Variants in SPG11 observed in about 807,000 individuals in gnomAD.
The protein encoded by SPG11 is SPG11 vesicle trafficking associated, spatacsin.
A neutral mutation model predicts 274.0 loss-of-function variants in SPG11; 222 were observed. The ratio of observed to expected loss-of-function variants is 0.81; its 90% CI spans 0.73 to 0.91. The LOEUF (loss-of-function observed/expected upper bound fraction) is 0.91. Among genes scored for constraint, SPG11 ranks in the 40% least tolerant of loss-of-function variants. SPG11 has a pLI of 0.00. For missense variants in SPG11, 3,114 were observed against 2,872.7 expected, an observed-to-expected ratio of 1.08 and a Z score of -1.92; for synonymous variants, 1,144 against 1,039.7, an observed-to-expected ratio of 1.10 and a Z score of -1.93.
chr15:44,641,874 T>C (rs2084454418), intron 7 of SPG11, among the ~76,000 whole-genome samples: 1 of 143,178 alleles, frequency 7.0e-6, no homozygotes, highest in Admixed American at 7.4e-5. Flanking sequence ...CTCTTGCCCA[T>C]GTGCTGCAGC....
chr15:44,586,443 A>G (rs1248499523), intron 28 of SPG11, among the ~76,000 whole-genome samples: 1 of 151,736 alleles, frequency 6.6e-6, no homozygotes, highest in Non-Finnish European at 1.5e-5. Flanking sequence ...GTCAGGAAAG[A>G]CCAGCCTGGC....
Position 44,596,961 on chromosome 15 carries a change from G to A in SPG11, c.4002-18C>T, listed in dbSNP as rs2083059811. 17 of 1,613,440 alleles carry A rather than the reference G, an allele frequency of 1.1e-5. No individual in the cohort carries two copies. The highest frequency in any genetic ancestry group is 1.4e-5 in the Non-Finnish European group (17 of 1,179,912). The stretch of plus-strand genomic sequence containing the variant: ...TGGATAACCTATAATCAGAATTAGA[G>A]GTGGGGGTGGTCAAGAAAAAACAAA... On this transcript the variant is annotated intron_variant, in intron 23 of 39. Coordinates refer to ENST00000261866, the MANE Select transcript of SPG11 (RefSeq NM_025137.4).
intron 4 of SPG11, among the ~76,000 whole-genome samples, chr15:44,655,970 C>T (rs2084928372): frequency 6.6e-6 from 1 of 151,900 alleles, no homozygotes; most frequent in Non-Finnish European, 1.5e-5. Context: ...ACACAACTGA[C>T]TGGGAGAAAC....
Position 44,562,843 on chromosome 15 carries a change from C to CTAAAG in SPG11, c.*273_*277dup, listed in dbSNP as rs1290368792. The CTAAAG allele has an allele frequency of 2.1e-5, 8 of 387,674 alleles. No individual in the cohort carries two copies. In the East Asian group the frequency reaches 4.1e-4, roughly 20 times the overall value. 24.0% of individuals were successfully genotyped at this position (387,674 alleles called of 1,614,324 possible). A position where few individuals can be genotyped will look rare whatever the true frequency, so the allele number is the denominator to read the frequency against. On this transcript the variant is annotated 3_prime_UTR_variant, in exon 40 of 40. Coordinates refer to ENST00000261866, the MANE Select transcript of SPG11 (RefSeq NM_025137.4). ...TATTCTTTAATCATTATTGGATCAT[C>CTAAAG]TAAAGTAGAAGCTGTCCTGAGGAAG...
intron 15 of SPG11, 99 bp from the exon 16 acceptor site, chr15:44,615,665 C>A: frequency 9.4e-7 from 1 of 1,067,338 alleles, no homozygotes; most frequent in Non-Finnish European, 1.4e-6. Context: ...TAAAAATAAG[C>A]ATTTACAAAT....
rs774320451 is a variant in SPG11 at position 44,567,525 on chromosome 15, T to C, written c.6653A>G (p.His2218Arg). ...GCTGAAGCACAGGGCAATCATATTGTGCTTTTCACTGTCTCCAGGACGGCA... is the reference window on the plus strand; with the variant it reads ...GCTGAAGCACAGGGCAATCATATTGCGCTTTTCACTGTCTCCAGGACGGCA... Reference protein sequence around the residue: ...KRCRPGDSEKHNMIALCFSMC... With the variant: ...KRCRPGDSEKRNMIALCFSMC... Residue 2218 changes from histidine to arginine, a missense_variant, in exon 36 of 40, where the codon CAC becomes CGC. Coordinates refer to ENST00000261866, the MANE Select transcript of SPG11 (RefSeq NM_025137.4). 2 of 1,614,048 alleles carry C rather than the reference T, an allele frequency of 1.2e-6. No homozygotes were observed. Among genetic ancestry groups the C allele is most frequent in the Non-Finnish European group, 1.7e-6 (2 of 1,179,988 alleles).
At chr15:44,610,159 T>A (rs967070157) in intron 18 of SPG11, among the ~76,000 whole-genome samples, 2 of 151,868 alleles carry the variant, frequency 1.3e-5, no homozygotes, top group Non-Finnish European at 2.9e-5. Context: ...CGCCTTGGCC[T>A]CCCAAAGTGC....
Position 44,570,551 on chromosome 15 carries a change from C to T in SPG11, c.6451G>A (p.Ala2151Thr), listed in dbSNP as rs762403160. ...AAHMLTDNHLAPSEEYGLVVR... is the reference protein window; with the variant it reads ...AAHMLTDNHLTPSEEYGLVVR... ...ACCAGCCCATACTCCTCACTGGGGGCCAGGTGGTTATCTGTGAGCATGTGG... is the reference window on the plus strand; with the variant it reads ...ACCAGCCCATACTCCTCACTGGGGGTCAGGTGGTTATCTGTGAGCATGTGG... Residue 2151 changes from alanine to threonine, a missense_variant, in exon 34 of 40, where the codon GCC becomes ACC. Transcript: ENST00000261866. 8.1e-6 allele frequency: 13 copies of T among 1,614,114 alleles called. No individual in the cohort carries two copies. The highest frequency in any genetic ancestry group is 1.1e-5 in the Non-Finnish European group (13 of 1,180,008).
intron 35 of SPG11, 51 bp downstream of exon 35, chr15:44,569,343 GCTCC>G: frequency 1.6e-6 from 2 of 1,252,568 alleles, no homozygotes; most frequent in Admixed American, 3.9e-5. Context: ...AAAAGCTGAG[GCTCC>G]TGAATTATCA....
intron 18 of SPG11, among the ~76,000 whole-genome samples, 177 bp downstream of exon 18, chr15:44,610,663 C>A (rs1451639959): frequency 6.6e-6 from 1 of 152,226 alleles, no homozygotes; most frequent in Non-Finnish European, 1.5e-5. Context: ...CAGGAGTGAG[C>A]CACTGCACCG....
At position 44,660,603 on chromosome 15, in the gene SPG11, C is replaced by T; in HGVS notation, c.271G>A (p.Asp91Asn). Residue 91 changes from aspartate (D) to asparagine (N), a missense_variant, in exon 2 of 40, where the codon GAT (aspartate) becomes AAT (asparagine). By Grantham distance (23) the Asp-to-Asn change is conservative. Coordinates refer to ENST00000261866, the MANE Select transcript of SPG11 (RefSeq NM_025137.4). ...GTTGGTGTGCTGCTGTTACGAGAAT[C>T]CTCCCATAGAAAGCTAAGAAAAAAA... ...EGPFWHFLWE[D>N]SRNSSTPTEK... is the part of the protein sequence containing the mutation. The T allele has an allele frequency of 6.2e-7, 1 of 1,614,000 alleles. No homozygotes were observed. Among genetic ancestry groups the T allele is most frequent in the Non-Finnish European group, 8.5e-7 (1 of 1,179,988 alleles).
intron 27 of SPG11, chr15:44,590,853 A>G (rs781216856): frequency 6.6e-6 from 1 of 152,182 alleles, no homozygotes; most frequent in African/African-American, 2.4e-5. Context: ...TACTTCCTGT[A>G]TACTTCTGAA....
chr15:44,596,906 C>T lies in SPG11; in HGVS notation c.4039G>A (p.Val1347Met), dbSNP rs372252106. ...SESSSQWALV[V>M]QFCRLHNMKL... ...ATATTGTGTAGCCTGCAGAACTGCA[C>T]CACTAATGCCCATTGGCTGCTAGAT... Residue 1347 changes from valine to methionine, a missense_variant, in exon 24 of 40, where the codon GTG becomes ATG. Coordinates refer to ENST00000261866, the MANE Select transcript of SPG11 (RefSeq NM_025137.4). The T allele has an allele frequency of 1.2e-6, 2 of 1,613,894 alleles. No homozygotes were observed. Among genetic ancestry groups the T allele is most frequent in the Non-Finnish European group, 1.7e-6 (2 of 1,179,986 alleles).
At chr15:44,646,525 C>T (rs912179454) in intron 7 of SPG11, among the ~76,000 whole-genome samples, 1 of 152,160 alleles carries the variant, frequency 6.6e-6, no homozygotes, top group Non-Finnish European at 1.5e-5. Flanking sequence ...GCAATCACCT[C>T]CCTCCCTTGA....
intron 32 of SPG11, among the ~76,000 whole-genome samples, chr15:44,573,073 G>A (rs2140927817): frequency 7.0e-6 from 1 of 142,584 alleles, no homozygotes. Flanking sequence ...TGCAACCTCA[G>A]CCTCCCAGGT....
Position 44,584,205 on chromosome 15 carries a change from C to G in SPG11, c.5475G>C (p.Gln1825His). 6.2e-7 allele frequency: 1 copy of G among 1,614,226 alleles called. No homozygotes were observed. Among genetic ancestry groups the G allele is most frequent in the Non-Finnish European group, 8.5e-7 (1 of 1,180,036 alleles). ...AGGAAAGTTCACCACTAGTTGAGAT[C>G]TGTCGAGAAAATCTGGGCTCTGTTT... ...QEETEPRFSR[Q>H]ISTSGELSFD... The change falls in exon 30 of 40, where the codon CAG becomes CAC. Residue 1825 changes from glutamine (Q) to histidine (H), a missense_variant. By Grantham distance (24) the Gln-to-His change is conservative. Transcript: ENST00000261866.
At chr15:44,579,291 G>A (rs903280329) in intron 30 of SPG11, among the ~76,000 whole-genome samples, 1 of 151,044 alleles carries the variant, frequency 6.6e-6, no homozygotes, top group African/African-American at 2.4e-5. Flanking sequence ...TTGGGAGGCC[G>A]AGGTGGGTGG....
intron 6 of SPG11, 149 bp from the exon 7 acceptor site, chr15:44,649,160 A>C: frequency 4.2e-6 from 3 of 708,124 alleles, no homozygotes; most frequent in Non-Finnish European, 6.9e-6. Flanking sequence ...AATGATCTTA[A>C]CTCATCATGG....
intron 7 of SPG11, among the ~76,000 whole-genome samples, chr15:44,636,943 A>AAAAAAAAC (rs2084285762): frequency 8.6e-6 from 1 of 116,034 alleles, no homozygotes; most frequent in Non-Finnish European, 1.8e-5. Flanking sequence ...AAAAAAAAAA[A>AAAAAAAAC]AAAAAAAAAA....
Sources: allele counts gnomAD v4.1 joint callset (sites outside exome capture counted in the v4.1 genomes callset), GRCh38; gene constraint gnomAD v4.1.1; transcripts MANE v1.5; gene names NCBI Gene and HGNC (gene_info 2026-07-23, HGNC 2026-07-21).